POR: variants seen among roughly 807,000 people sequenced by gnomAD.
POR encodes the protein NADPH--cytochrome P450 reductase.
A neutral mutation model predicts 84.0 loss-of-function variants in POR; 56 were observed. The observed-to-expected ratio is 0.67, with a 90% CI of 0.54 to 0.83. POR has a LOEUF of 0.83. Among genes scored for constraint, POR ranks in the 40% least tolerant of loss-of-function variants. POR has a pLI of 0.00. For missense variants in POR, 938 were observed against 944.3 expected (o/e 0.99, Z 0.09); for synonymous variants, 414 against 400.5 (o/e 1.03, Z -0.40).
At chr7:75,935,295 G>A (rs1807613658) in intron 1 of POR, among the ~76,000 whole-genome samples, 2 of 152,038 alleles carry the variant, frequency 1.3e-5, no homozygotes, top group Non-Finnish European at 2.9e-5. Context: ...GGCCGAGGTG[G>A]GAGTGCATTG....
chr7:75,945,723 G>T (rs1448073545), intron 1 of POR, among the ~76,000 whole-genome samples: 1 of 152,148 alleles, frequency 6.6e-6, no homozygotes, highest in African/African-American at 2.4e-5. Flanking sequence ...AGGTGGCCCT[G>T]ACATGACAGT....
intron 8 of POR, among the ~76,000 whole-genome samples, chr7:75,982,891 G>T (rs1230741373): frequency 6.6e-6 from 1 of 152,178 alleles, no homozygotes; most frequent in Admixed American, 6.5e-5. Flanking sequence ...GTGTGGGGGT[G>T]GGGGAGCTGT....
rs538228282 is a variant in POR at position 75,963,709 on chromosome 7, G to A, written c.189-8704G>A. Among the ~76,000 whole-genome samples the A allele has an allele frequency of 4.6e-5, 7 of 152,334 alleles. No individual in the cohort carries two copies. In the South Asian group the frequency reaches 1.5e-3, roughly 32 times the overall value. On this transcript the variant is annotated intron_variant, in intron 2 of 15. Coordinates refer to ENST00000461988, the MANE Select transcript of POR (RefSeq NM_000941.3). ...CCCCCACAGGAGCCTAGGAGGCCAAGTGTGGAGGCTGGGAGGTGAGGACAC... is the reference window on the plus strand; with the variant it reads ...CCCCCACAGGAGCCTAGGAGGCCAAATGTGGAGGCTGGGAGGTGAGGACAC...
intron 1 of POR, chr7:75,943,716 AC>A: frequency 3.2e-6 from 1 of 316,686 alleles, no homozygotes; most frequent in Non-Finnish European, 6.4e-6. Flanking sequence ...CTTGGTATTG[AC>A]TCCCCAAGTA....
rs886062441 is a variant in POR at position 75,983,724 on chromosome 7, A to C, written c.948-14A>C. 1 of 1,611,256 alleles carries C rather than the reference A, an allele frequency of 6.2e-7. No individual in the cohort carries two copies. ...CAGCCTTCCGCCCCTCCCGAGCCTC[A>C]CATCTCCCTCCAGGTATGAATCTGG... is the stretch of plus-strand genomic sequence containing the variant. On this transcript the variant is annotated splice_polypyrimidine_tract_variant and intron_variant, in intron 9 of 15. Transcript: ENST00000461988.
chr7:75,928,271 T>C (rs1807245829), intron 1 of POR, among the ~76,000 whole-genome samples: 1 of 152,168 alleles, frequency 6.6e-6, no homozygotes, highest in Non-Finnish European at 1.5e-5. Flanking sequence ...ACCCGGCTTC[T>C]ATCTCAGTTT....
chr7:75,918,319 CA>C (rs1563395354), intron 1 of POR, among the ~76,000 whole-genome samples: 1 of 152,002 alleles, frequency 6.6e-6, no homozygotes, highest in African/African-American at 2.4e-5. Flanking sequence ...AAAAAAAACC[CA>C]AAAAACAACA....
intron 5 of POR, 38 bp from the exon 6 acceptor site, chr7:75,981,010 G>A (rs782415369): frequency 1.1e-5 from 17 of 1,531,372 alleles, no homozygotes; most frequent in South Asian, 4.9e-5. Flanking sequence ...TGGTCAGGTC[G>A]AGGGCCAGGC....
chr7:75,918,993 A>G (rs1381164826), intron 1 of POR, among the ~76,000 whole-genome samples: 2 of 144,928 alleles, frequency 1.4e-5, no homozygotes, highest in African/African-American at 5.4e-5. Context: ...AGCTCAGATC[A>G]GTGTTGTGTG....
Position 75,986,494 on chromosome 7 carries a change from C to G in POR, c.*13C>G, listed in dbSNP as rs781813739. On this transcript the variant is annotated 3_prime_UTR_variant, in exon 16 of 16. Coordinates refer to ENST00000461988, the MANE Select transcript of POR (RefSeq NM_000941.3). ...CGTGTGGAGCTAGGGGCCTGCCTGC[C>G]CCACCCACCCCACAGACTCCGGCCT... 3 of 1,604,020 alleles carry G rather than the reference C, an allele frequency of 1.9e-6. No individual in the cohort carries two copies. The highest frequency in any genetic ancestry group is 3.4e-5 in the Admixed American group (2 of 59,646).
At chr7:75,927,670 A>AT (rs36041813) in intron 1 of POR, among the ~76,000 whole-genome samples, 28,716 of 135,176 alleles carry the variant, frequency 0.21, 4,749 homozygotes, top group African/African-American at 0.45. Flanking sequence ...TTCTGTCTCA[A>AT]TTTTTTTTTT....
At position 75,972,502 on chromosome 7, in the gene POR, G is replaced by C. The variant is rs782574607; in HGVS notation, c.237+41G>C. On this transcript the variant is annotated intron_variant, in intron 3 of 15. Transcript: ENST00000461988. ...GTCTTTACTCTTCTCAGGAAGCCTC[G>C]GCCCCGATGGGCATGTAATCAAGTC... 6 of 1,523,114 alleles carry C rather than the reference G, an allele frequency of 3.9e-6. No individual in the cohort carries two copies. In the African/African-American group the frequency reaches 8.2e-5, roughly 21 times the overall value. 94.3% of individuals were successfully genotyped at this position (1,523,114 alleles called of 1,614,324 possible).
intron 2 of POR, among the ~76,000 whole-genome samples, chr7:75,958,410 G>A (rs1188932783): frequency 1.3e-5 from 2 of 152,050 alleles, no homozygotes; most frequent in African/African-American, 4.8e-5. Context: ...GAGCCACCAT[G>A]CCTGGAGTGT....
At chr7:75,966,325 G>A (rs1261724823) in intron 2 of POR, among the ~76,000 whole-genome samples, 1 of 152,166 alleles carries the variant, frequency 6.6e-6, no homozygotes, top group African/African-American at 2.4e-5. Flanking sequence ...GCTGGCTTCT[G>A]TCTGAGCTCC....
chr7:75,961,572 A>G (rs1787942913), intron 2 of POR, among the ~76,000 whole-genome samples: 1 of 151,922 alleles, frequency 6.6e-6, no homozygotes, highest in Non-Finnish European at 1.5e-5. Context: ...AGTGGACCCC[A>G]TACGCCTCCA....
chr7:75,975,688 T>C (rs1554556718), intron 3 of POR, among the ~76,000 whole-genome samples: 1 of 152,106 alleles, frequency 6.6e-6, no homozygotes, highest in East Asian at 1.9e-4. Context: ...TGTTCAAGGT[T>C]CACCCACACT....
intron 1 of POR, among the ~76,000 whole-genome samples, chr7:75,940,449 C>T (rs1358847831): frequency 6.6e-6 from 1 of 151,896 alleles, no homozygotes; most frequent in Non-Finnish European, 1.5e-5. Flanking sequence ...AGATTCAAAG[C>T]AGCCAATTAG....
intron 1 of POR, among the ~76,000 whole-genome samples, chr7:75,935,619 TTG>T (rs57899780): frequency 0.2 from 25,550 of 130,822 alleles, 2,684 homozygotes; most frequent in East Asian, 0.36. Context: ...TGCTCGGGGC[TTG>T]TGTGTGTGTG....
intron 3 of POR, among the ~76,000 whole-genome samples, chr7:75,974,524 C>CTTT (rs1238804117): frequency 5.8e-4 from 63 of 107,874 alleles, no homozygotes; most frequent in East Asian, 1.7e-3. Flanking sequence ...TTTTTCTTTT[C>CTTT]TTTTTTTTTT....
Sources: gnomAD v4.1 joint callset for allele counts (sites outside exome capture counted in the v4.1 genomes callset) on GRCh38, gnomAD v4.1.1 for gene constraint, MANE v1.5 for transcripts, NCBI Gene and HGNC (gene_info 2026-07-23, HGNC 2026-07-21) for gene names.